Variants in FANCC observed in about 807,000 individuals in gnomAD.
The protein encoded by FANCC is Fanconi anemia group C protein.
FANCC carries 55 observed loss-of-function variants against 71.3 expected under a neutral mutation model. That is an observed-to-expected ratio of 0.77 (90% CI 0.62 to 0.97). FANCC has a LOEUF of 0.97. FANCC is among the 50% of genes least tolerant of loss of function. FANCC has a pLI of 0.00. For missense variants in FANCC, 678 were observed against 670.9 expected, an observed-to-expected ratio of 1.01 and a Z score of -0.12; for synonymous variants, 275 against 244.9, an observed-to-expected ratio of 1.12 and a Z score of -1.15.
intron 13 of FANCC, among the ~76,000 whole-genome samples, chr9:95,109,017 C>CATCT (rs1427899198): frequency 6.6e-6 from 1 of 152,028 alleles, no homozygotes; most frequent in Non-Finnish European, 1.5e-5. Flanking sequence ...GCGATCCTTC[C>CATCT]ATCTATCTCA....
At chr9:95,126,727 G>A (rs941870861) in intron 8 of FANCC, 146 bp from the exon 9 acceptor site, 2 of 786,226 alleles carry the variant, frequency 2.5e-6, no homozygotes, top group Non-Finnish European at 4.3e-6. Flanking sequence ...AACCACTGCT[G>A]TACTGAAAAC....
intron 4 of FANCC, among the ~76,000 whole-genome samples, chr9:95,222,065 A>AAGAC (rs1491380396): frequency 6.6e-6 from 1 of 151,042 alleles, no homozygotes; most frequent in Non-Finnish European, 1.5e-5. Context: ...CTAGGAGCAC[A>AAGAC]TGTCTATAGT....
chr9:95,177,132 G>A (rs1431353187), intron 4 of FANCC, among the ~76,000 whole-genome samples: 2 of 152,228 alleles, frequency 1.3e-5, no homozygotes, highest in South Asian at 2.1e-4. Flanking sequence ...ACATCACAGA[G>A]TGTACTTACA....
intron 1 of FANCC, among the ~76,000 whole-genome samples, chr9:95,307,892 A>C (rs145849172): frequency 6.6e-6 from 1 of 152,198 alleles, no homozygotes; most frequent in African/African-American, 2.4e-5. Flanking sequence ...AATAACAGAA[A>C]TTTATCAGCT....
rs190889494 is a variant in FANCC at position 95,180,077 on chromosome 9, C to A, written c.346-7930G>T. On this transcript the variant is annotated intron_variant, in intron 4 of 14. Transcript: ENST00000289081. ...CTGAGCTTTATCTTAATGCTTTGTG[C>A]ATGTACTTCTGTATGCATATTATGT... 9.1e-3 allele frequency among the ~76,000 whole-genome samples: 1,392 copies of A among 152,244 alleles called. 10 individuals are homozygous for A. Among genetic ancestry groups the A allele is most frequent in the Non-Finnish European group, 0.015 (995 of 67,998 alleles).
At chr9:95,141,138 A>C (rs1828597043) in intron 7 of FANCC, among the ~76,000 whole-genome samples, 1 of 151,674 alleles carries the variant, frequency 6.6e-6, no homozygotes, top group Non-Finnish European at 1.5e-5. Context: ...GGCAAAACCC[A>C]GTCTCTACCA....
chr9:95,110,293 T>G (rs1049421651), intron 13 of FANCC: 1 of 1,013,330 alleles, frequency 9.9e-7, no homozygotes, highest in African/African-American at 1.7e-5. Context: ...ACCTTTTGAC[T>G]GTGATGGAAT....
chr9:95,173,476 C>T (rs1825821542), intron 4 of FANCC, among the ~76,000 whole-genome samples: 1 of 152,148 alleles, frequency 6.6e-6, no homozygotes, highest in Non-Finnish European at 1.5e-5. Flanking sequence ...ATGTGGCATA[C>T]ATTTAAGGAA....
At chr9:95,179,115 T>C (rs1588233133) in intron 4 of FANCC, among the ~76,000 whole-genome samples, 3 of 152,366 alleles carry the variant, frequency 2.0e-5, no homozygotes, top group African/African-American at 7.2e-5. Context: ...CAAATGCTCC[T>C]ACAGATAGCA....
intron 4 of FANCC, among the ~76,000 whole-genome samples, chr9:95,202,062 G>A (rs1400804549): frequency 2.0e-5 from 3 of 152,180 alleles, no homozygotes; most frequent in African/African-American, 7.2e-5. Flanking sequence ...AATCAATTAG[G>A]TGTTTGGCAG....
At chr9:95,264,925 G>A (rs1011993487) in intron 1 of FANCC, among the ~76,000 whole-genome samples, 1 of 149,394 alleles carries the variant, frequency 6.7e-6, no homozygotes, top group Non-Finnish European at 1.5e-5. Context: ...GAAATGTAAT[G>A]TTTCTTTGCT....
chr9:95,211,001 A>G (rs996240194), intron 4 of FANCC, among the ~76,000 whole-genome samples: 2 of 152,110 alleles, frequency 1.3e-5, no homozygotes, highest in African/African-American at 4.8e-5. Context: ...AGGCTTACCA[A>G]TTTTTTCAAA....
At chr9:95,136,455 G>A (rs1827711516) in intron 7 of FANCC, among the ~76,000 whole-genome samples, 1 of 151,770 alleles carries the variant, frequency 6.6e-6, no homozygotes, top group Admixed American at 6.6e-5. Context: ...GTGTGATACT[G>A]GATAGGTTAG....
At chr9:95,155,351 G>GAGGA (rs1830415040) in intron 6 of FANCC, among the ~76,000 whole-genome samples, 1 of 86,098 alleles carries the variant, frequency 1.2e-5, no homozygotes, top group African/African-American at 4.7e-5. Context: ...GGAAGGGAGG[G>GAGGA]AGGGAGGGAG....
chr9:95,243,697 G>A (rs1830767449), intron 3 of FANCC, among the ~76,000 whole-genome samples: 1 of 152,244 alleles, frequency 6.6e-6, no homozygotes, highest in South Asian at 2.1e-4. Flanking sequence ...GGTAGGCTGA[G>A]GCAGGAGAAT....
intron 10 of FANCC, among the ~76,000 whole-genome samples, chr9:95,124,818 G>A (rs560599671): frequency 1.3e-5 from 2 of 152,176 alleles, no homozygotes; most frequent in South Asian, 2.1e-4. Flanking sequence ...AAGAAGAGCC[G>A]TCCTCCAGGG....
In FANCC at chr9:95,111,571, C is replaced by T; in HGVS notation, c.1221G>A (p.Val407=). ...CTGCCGACATCAGTAATTGCTCTGC[C>T]ACCATCTCAGCCCATCCTCCGAAGT... is the stretch of plus-strand genomic sequence containing the variant. The part of the protein sequence containing the change: ...FIHFGGWAEM[V]AEQLLMSAAE... Residue 407 remains valine (V), a synonymous_variant, in exon 13 of 15, where the codon GTG becomes GTA. Coordinates refer to ENST00000289081, the MANE Select transcript of FANCC (RefSeq NM_000136.3). The T allele has an allele frequency of 6.2e-7, 1 of 1,614,204 alleles. No individual in the cohort carries two copies. Among genetic ancestry groups the T allele is most frequent in the Non-Finnish European group, 8.5e-7 (1 of 1,180,042 alleles).
intron 7 of FANCC, among the ~76,000 whole-genome samples, chr9:95,144,804 G>A (rs185574971): frequency 3.8e-4 from 58 of 152,278 alleles, no homozygotes; most frequent in Admixed American, 1.2e-3. Flanking sequence ...GCCGTGAAGC[G>A]TGTGCTCCAT....
intron 1 of FANCC, among the ~76,000 whole-genome samples, chr9:95,254,282 G>A (rs533936508): frequency 6.6e-6 from 1 of 152,318 alleles, no homozygotes; most frequent in East Asian, 1.9e-4. Context: ...ACCTCCACAG[G>A]CTGGCAAGAT....
Sources: gnomAD v4.1 joint callset for allele counts (sites outside exome capture counted in the v4.1 genomes callset) on GRCh38, gnomAD v4.1.1 for gene constraint, MANE v1.5 for transcripts, NCBI Gene and HGNC (gene_info 2026-07-23, HGNC 2026-07-21) for gene names.